Variants in LRRC75A observed in about 807,000 individuals in gnomAD.
The protein encoded by LRRC75A is leucine rich repeat containing 75A, also known as leucine-rich repeat-containing protein 75A.
Under a neutral mutation model 26.0 loss-of-function variants are expected in LRRC75A, and 12 were observed. The observed-to-expected ratio is 0.46, with a 90% CI of 0.30 to 0.75. LRRC75A has a LOEUF of 0.75. Among genes scored for constraint, LRRC75A ranks in the 30% least tolerant of loss-of-function variants. The probability of loss-of-function intolerance (pLI) is 0.08; values close to 1 mark genes in which losing one functional copy is unlikely to be tolerated. For missense variants in LRRC75A, 410 were observed against 486.6 expected, an observed-to-expected ratio of 0.84 and a Z score of 1.48; for synonymous variants, 223 against 219.3, an observed-to-expected ratio of 1.02 and a Z score of -0.15.
Position 16,491,880 on chromosome 17 carries a change from G to C in LRRC75A, c.111C>G (p.Ala37=), listed in dbSNP as rs538927430. The C allele has an allele frequency of 2.2e-6, 3 of 1,364,668 alleles. No individual in the cohort carries two copies. Among genetic ancestry groups the C allele is most frequent in the East Asian group, 3.3e-5 (1 of 30,300 alleles). 84.5% of individuals were successfully genotyped at this position (1,364,668 alleles called of 1,614,324 possible). A position where few individuals can be genotyped will look rare whatever the true frequency, so the allele number is the denominator to read the frequency against. The change falls in exon 1 of 4, where the codon GCC becomes GCG. Residue 37 remains alanine (A), a synonymous_variant. Transcript: ENST00000470794. The surrounding 1 kb of genome is among the most constrained non-coding windows in gnomAD (Gnocchi z 5.9). Reference sequence around the variant, plus strand: ...CGCCCGCGCGCCCCGCCTTGTCCCCGGCGCGCAGCAGCAGCGACGCCCAGA... The same window carrying C: ...CGCCCGCGCGCCCCGCCTTGTCCCCCGCGCGCAGCAGCAGCGACGCCCAGA... The part of the protein sequence containing the change: ...PDFWASLLLR[A]GDKAGRAGAG...
intron 1 of LRRC75A, among the ~76,000 whole-genome samples, chr17:16,490,151 C>G (rs1280612574): frequency 1.3e-5 from 2 of 152,224 alleles, no homozygotes; most frequent in Non-Finnish European, 2.9e-5. Context: ...AAGCTTCGCT[C>G]TGGTCTTGCA....
chr17:16,486,209 G>A (rs1248771188), intron 1 of LRRC75A, among the ~76,000 whole-genome samples: 1 of 152,114 alleles, frequency 6.6e-6, no homozygotes, highest in Non-Finnish European at 1.5e-5. Flanking sequence ...CCACCCTGAC[G>A]GTCCATGGAT....
intron 2 of LRRC75A, among the ~76,000 whole-genome samples, chr17:16,458,325 A>G (rs2093701201): frequency 6.6e-6 from 1 of 152,090 alleles, no homozygotes; most frequent in Admixed American, 6.5e-5. Flanking sequence ...AAGAAAGAAA[A>G]GAAAGGAAAG....
chr17:16,462,232 G>A lies in LRRC75A; in HGVS notation c.375+26C>T, dbSNP rs2093733031. 6.2e-7 allele frequency: 1 copy of A among 1,613,522 alleles called. No individual in the cohort carries two copies. The highest frequency in any genetic ancestry group is 8.5e-7 in the Non-Finnish European group (1 of 1,179,766). The stretch of plus-strand genomic sequence containing the variant: ...CACCCACCGCACACCCCGGGACCTG[G>A]CTGGCTCGGACCACAGCCACCCTAC... On this transcript the variant is annotated intron_variant, in intron 2 of 3. Coordinates refer to ENST00000470794, the MANE Select transcript of LRRC75A (RefSeq NM_001113567.3). This position sits in a 1 kb window ranked among gnomAD's most constrained non-coding sequence, Gnocchi z 4.6.
intron 1 of LRRC75A, among the ~76,000 whole-genome samples, chr17:16,485,113 A>C (rs2093843447): frequency 6.6e-6 from 1 of 152,106 alleles, no homozygotes; most frequent in Non-Finnish European, 1.5e-5. Flanking sequence ...CATTCAGAAC[A>C]CCCAGCCCTT....
Position 16,442,938 on chromosome 17 carries a change from T to C in LRRC75A, c.*650A>G, listed in dbSNP as rs2093545150. On this transcript the variant is annotated 3_prime_UTR_variant, in exon 4 of 4. Coordinates refer to ENST00000470794, the MANE Select transcript of LRRC75A (RefSeq NM_001113567.3). ...CATGTCTGTCCTGAGCACTACCACATGGCATCGTAGGCTGCTCTGTCAAAG... is the reference window on the plus strand; with the variant it reads ...CATGTCTGTCCTGAGCACTACCACACGGCATCGTAGGCTGCTCTGTCAAAG... 6.6e-6 allele frequency: 1 copy of C among 152,350 alleles called. No individual in the cohort carries two copies. Among genetic ancestry groups the C allele is most frequent in the African/African-American group, 2.4e-5 (1 of 41,472 alleles). 9.4% of individuals were successfully genotyped at this position (152,350 alleles called of 1,614,324 possible). A position where few individuals can be genotyped will look rare whatever the true frequency, so the allele number is the denominator to read the frequency against.
Position 16,447,910 on chromosome 17 carries a change from G to A in LRRC75A, c.426C>T (p.Tyr142=), listed in dbSNP as rs1453121479. The change falls in exon 3 of 4, where the codon TAC becomes TAT. Residue 142 remains tyrosine (Y), a synonymous_variant. Coordinates refer to ENST00000470794, the MANE Select transcript of LRRC75A (RefSeq NM_001113567.3). ...AMEKLCRQLT[Y]HLSPHSQWRR... The stretch of plus-strand genomic sequence containing the variant: ...TCCACTGGGAGTGGGGGCTGAGGTG[G>A]TATGTCAGCTGCCGGCACAGCTTCT... 5.2e-6 allele frequency: 8 copies of A among 1,550,876 alleles called. No individual in the cohort carries two copies. The South Asian group carries it at 8.3e-5, about 16-fold the overall frequency.
At chr17:16,449,437 T>C (rs1025292182) in intron 2 of LRRC75A, among the ~76,000 whole-genome samples, 5 of 152,042 alleles carry the variant, frequency 3.3e-5, no homozygotes, top group African/African-American at 1.2e-4. Context: ...AGAGTTTCTG[T>C]GAGGATTAAA....
At chr17:16,471,426 C>T (rs2093805764) in intron 1 of LRRC75A, among the ~76,000 whole-genome samples, 1 of 152,204 alleles carries the variant, frequency 6.6e-6, no homozygotes, top group Admixed American at 6.5e-5. Context: ...TGGATCAGGA[C>T]AGAGGTGGCA....
At chr17:16,445,158 ATTTTTTTTTTTTTTTT>A (rs766449990) in intron 3 of LRRC75A, among the ~76,000 whole-genome samples, 2 of 69,716 alleles carry the variant, frequency 2.9e-5, no homozygotes, top group Non-Finnish European at 5.1e-5. Flanking sequence ...CATTTTCTGC[ATTTTTTTTTTTTTTTT>A]TTTTTTTTTT....
intron 2 of LRRC75A, among the ~76,000 whole-genome samples, chr17:16,448,747 TG>T (rs1465831878): frequency 2.0e-5 from 3 of 152,120 alleles, no homozygotes; most frequent in African/African-American, 7.2e-5. Flanking sequence ...GACACAGACA[TG>T]CAGAGGAACA....
intron 2 of LRRC75A, among the ~76,000 whole-genome samples, chr17:16,453,531 A>G (rs2093653161): frequency 6.6e-6 from 1 of 152,106 alleles, no homozygotes; most frequent in Non-Finnish European, 1.5e-5. Context: ...CACCTCATAG[A>G]GTTGCCTTGA....
At chr17:16,458,176 G>T (rs1004903903) in intron 2 of LRRC75A, among the ~76,000 whole-genome samples, 1 of 152,058 alleles carries the variant, frequency 6.6e-6, no homozygotes, top group African/African-American at 2.4e-5. Flanking sequence ...TGTGGTGGCA[G>T]GTGCCTGTAA....
intron 1 of LRRC75A, among the ~76,000 whole-genome samples, chr17:16,488,395 G>A (rs1418933879): frequency 6.6e-6 from 1 of 152,240 alleles, no homozygotes; most frequent in Non-Finnish European, 1.5e-5. Context: ...CTTGGGCCAT[G>A]CCTGAGAAAG....
chr17:16,452,830 C>T (rs1020348769), intron 2 of LRRC75A, among the ~76,000 whole-genome samples: 14 of 152,078 alleles, frequency 9.2e-5, no homozygotes, highest in Non-Finnish European at 1.5e-4. Context: ...AGGTGGTCTG[C>T]CCAGCATCAC....
rs1407106237 is a variant in LRRC75A, at chr17:16,444,118, G to A, written c.505C>T (p.Leu169=). 1.9e-6 allele frequency: 3 copies of A among 1,599,474 alleles called. No individual in the cohort carries two copies. The highest frequency in any genetic ancestry group is 1.7e-5 in the Admixed American group (1 of 59,186). ...GTGTTGTCTGGGGGGCTTCCGGCCA[G>A]GACAGCCTTGAGGCTGAAGGGAAAA... ...RKPQACLKAV[L]AGSPPDNTVD... is the part of the protein sequence containing the mutation. The change falls in exon 4 of 4, where the codon CTG becomes TTG. Residue 169 remains leucine (L), a synonymous_variant. Transcript: ENST00000470794.
rs752958530 is a variant in LRRC75A at position 16,444,102 on chromosome 17, G to T, written c.521C>A (p.Pro174Gln). The T allele has an allele frequency of 1.9e-6, 3 of 1,606,294 alleles. No individual in the cohort carries two copies. Among genetic ancestry groups the T allele is most frequent in the East Asian group, 4.5e-5 (2 of 44,654 alleles). Residue 174 changes from proline to glutamine, a missense_variant, in exon 4 of 4, where the codon CCA becomes CAA. Transcript: ENST00000470794. Reference protein sequence around the residue: ...CLKAVLAGSPPDNTVDLSGIP... With the variant: ...CLKAVLAGSPQDNTVDLSGIP... ...TCCCGACAGGTCCACTGTGTTGTCTGGGGGGCTTCCGGCCAGGACAGCCTT... is the reference window on the plus strand; with the variant it reads ...TCCCGACAGGTCCACTGTGTTGTCTTGGGGGCTTCCGGCCAGGACAGCCTT...
intron 2 of LRRC75A, among the ~76,000 whole-genome samples, chr17:16,457,920 G>A (rs1329289709): frequency 2.0e-5 from 3 of 152,168 alleles, no homozygotes; most frequent in East Asian, 1.9e-4. Context: ...GCTGCAGAAA[G>A]TTATGATCAC....
chr17:16,471,234 C>T (rs757676664), intron 1 of LRRC75A, among the ~76,000 whole-genome samples: 2 of 152,208 alleles, frequency 1.3e-5, no homozygotes, highest in African/African-American at 2.4e-5. Context: ...CCACAACCAC[C>T]AGAAGCTGGA....
Sources: gnomAD v4.1 joint callset for allele counts (sites outside exome capture counted in the v4.1 genomes callset) on GRCh38, gnomAD v4.1.1 for gene constraint, Gnocchi (gnomAD v3.1) non-coding constraint, MANE v1.5 for transcripts, NCBI Gene and HGNC (gene_info 2026-07-23, HGNC 2026-07-21) for gene names.